GRIP1: variants seen among roughly 807,000 people sequenced by gnomAD.
GRIP1 encodes the protein glutamate receptor-interacting protein 1.
Under a neutral mutation model 129.9 loss-of-function variants are expected in GRIP1, and 45 were observed. That is an observed-to-expected ratio of 0.35 (90% confidence interval 0.27 to 0.44). GRIP1 has a LOEUF of 0.44. GRIP1 is among the 20% of genes least tolerant of loss of function. The probability of loss-of-function intolerance (pLI) is 1.00; values close to 1 mark genes in which losing one functional copy is unlikely to be tolerated. For missense variants in GRIP1, 1,196 were observed against 1,396.8 expected, an observed-to-expected ratio of 0.86 and a Z score of 2.29; for synonymous variants, 530 against 520.8, an observed-to-expected ratio of 1.02 and a Z score of -0.24.
At chr12:66,483,439 T>A (rs2059862835) in intron 7 of GRIP1, among the ~76,000 whole-genome samples, 1 of 152,168 alleles carries the variant, frequency 6.6e-6, no homozygotes. Flanking sequence ...CCCAGGGAGT[T>A]AAAGGAGACA....
At chr12:66,771,690 G>A (rs950495031) in intron 1 of GRIP1, among the ~76,000 whole-genome samples, 2 of 152,142 alleles carry the variant, frequency 1.3e-5, no homozygotes, top group Non-Finnish European at 2.9e-5. Context: ...AGCCTACTGG[G>A]TCCCACCCCA....
chr12:66,437,868 T>C (rs950472258), intron 13 of GRIP1, among the ~76,000 whole-genome samples: 8 of 152,202 alleles, frequency 5.3e-5, no homozygotes, highest in African/African-American at 1.9e-4. Flanking sequence ...GTAACATCTC[T>C]TTGAAGAGTC....
At chr12:67,060,405 T>G (rs539259925) in intron 1 of GRIP1, among the ~76,000 whole-genome samples, 1 of 152,372 alleles carries the variant, frequency 6.6e-6, no homozygotes, top group East Asian at 1.9e-4. Flanking sequence ...TAACTGATTT[T>G]GGGGGTAGTT....
intron 1 of GRIP1, among the ~76,000 whole-genome samples, chr12:66,677,688 C>T (rs575415758): frequency 3.0e-4 from 46 of 152,266 alleles, no homozygotes; most frequent in Non-Finnish European, 4.9e-4. Flanking sequence ...CAAATGCATT[C>T]GGTAAGTTGG....
At chr12:66,399,208 A>G (rs1213649925) in intron 16 of GRIP1, among the ~76,000 whole-genome samples, 1 of 151,810 alleles carries the variant, frequency 6.6e-6, no homozygotes, top group African/African-American at 2.4e-5. Context: ...TCCTCCCTCC[A>G]CCGTGCCAGG....
chr12:66,761,782 A>T (rs938167790), intron 1 of GRIP1, among the ~76,000 whole-genome samples: 1 of 152,188 alleles, frequency 6.6e-6, no homozygotes, highest in Non-Finnish European at 1.5e-5. Context: ...AAGAAATCCT[A>T]GAGCTAGAAG....
At chr12:66,666,921 GT>G (rs1367987078) in intron 1 of GRIP1, among the ~76,000 whole-genome samples, 2 of 151,370 alleles carry the variant, frequency 1.3e-5, no homozygotes, top group African/African-American at 2.4e-5. Context: ...CTGACACGAA[GT>G]TGATTCTAAT....
At position 66,986,298 on chromosome 12, in the gene GRIP1, T is replaced by C. The variant is rs554824064; in HGVS notation, c.58+82752A>G. On this transcript the variant is annotated intron_variant, in intron 1 of 1. Transcript: ENST00000643019. ...TTCCTCAGGGATCTAGAACTAGAAA[T>C]ACCATTTGACCCAGCCATCCCATTA... is the stretch of plus-strand genomic sequence containing the variant. 2.6e-5 allele frequency among the ~76,000 whole-genome samples: 4 copies of C among 152,156 alleles called. No homozygotes were observed. In the South Asian group the frequency reaches 8.3e-4, roughly 32 times the overall value.
intron 1 of GRIP1, among the ~76,000 whole-genome samples, chr12:66,797,736 C>A (rs1022003933): frequency 6.6e-6 from 1 of 152,120 alleles, no homozygotes; most frequent in Non-Finnish European, 1.5e-5. Flanking sequence ...AACCTAGAGA[C>A]CTTAAGGACT....
At chr12:66,445,614 G>T in intron 11 of GRIP1, 106 bp from the exon 12 acceptor site, 1 of 731,970 alleles carries the variant, frequency 1.4e-6, no homozygotes, top group Non-Finnish European at 2.2e-6. Flanking sequence ...AATGGCAATG[G>T]TGGGAGGTTA....
chr12:66,964,084 G>A (rs575802739), intron 1 of GRIP1, among the ~76,000 whole-genome samples: 8 of 152,138 alleles, frequency 5.3e-5, no homozygotes, highest in South Asian at 4.2e-4. Flanking sequence ...CAACTTCAGC[G>A]GGACTATTGC....
chr12:66,349,132 A>G lies in GRIP1; in HGVS notation c.3274T>C (p.Ser1092Pro), dbSNP rs1290881184. 1.9e-6 allele frequency: 3 copies of G among 1,613,782 alleles called. No individual in the cohort carries two copies. ...CCTGGTAGACTCTGTTGGTCTATAG[A>G]CTTCTGTGAAGCCAGTGGGTTTCTA... is the stretch of plus-strand genomic sequence containing the variant. ...ISRNPLASQK[S>P]IDQQSLPGDW... Residue 1092 changes from serine to proline, a missense_variant, in exon 25 of 25, where the codon TCT becomes CCT. Physicochemically the swap from Ser to Pro is moderately conservative, Grantham distance 74. This residue lies in a region of GRIP1 where 427 missense variants were observed against 463.3 expected (regional missense o/e 0.92). Transcript: ENST00000359742.
intron 1 of GRIP1, among the ~76,000 whole-genome samples, chr12:66,676,380 G>A (rs1210526173): frequency 1.3e-5 from 2 of 152,034 alleles, no homozygotes; most frequent in African/African-American, 4.8e-5. Context: ...GCTTTTTCTT[G>A]TGGGTGATAT....
chr12:66,533,852 C>T (rs1313131129), intron 4 of GRIP1, among the ~76,000 whole-genome samples: 1 of 133,506 alleles, frequency 7.5e-6, no homozygotes, highest in Non-Finnish European at 1.6e-5. Flanking sequence ...CACACACACA[C>T]ACACACACAC....
At chr12:66,442,562 C>CA (rs552855106) in intron 13 of GRIP1, among the ~76,000 whole-genome samples, 7 of 152,140 alleles carry the variant, frequency 4.6e-5, no homozygotes, top group Non-Finnish European at 5.9e-5. Flanking sequence ...GACAGGGTCT[C>CA]ACTCTGTCAC....
chr12:66,527,727 T>G (rs1029720893), intron 5 of GRIP1, among the ~76,000 whole-genome samples: 4 of 152,014 alleles, frequency 2.6e-5, no homozygotes, highest in African/African-American at 9.7e-5. Context: ...ATACTGCATG[T>G]TCTCACTTAT....
intron 1 of GRIP1, among the ~76,000 whole-genome samples, chr12:66,672,418 G>A (rs2034125025): frequency 6.6e-6 from 1 of 152,088 alleles, no homozygotes; most frequent in Non-Finnish European, 1.5e-5. Flanking sequence ...TAATGGCAAG[G>A]TCAAAGTTTC....
chr12:66,898,772 A>G (rs891299187), intron 1 of GRIP1, among the ~76,000 whole-genome samples: 1 of 152,178 alleles, frequency 6.6e-6, no homozygotes, highest in Non-Finnish European at 1.5e-5. Context: ...CTTGTGCCCA[A>G]TGTAGTGTGT....
chr12:66,686,610 T>C (rs1030761031), intron 1 of GRIP1, among the ~76,000 whole-genome samples: 21 of 152,216 alleles, frequency 1.4e-4, no homozygotes, highest in African/African-American at 4.8e-4. Context: ...TTTTGTGGCA[T>C]AGGAAGGAGC....
Sources: gnomAD v4.1 joint callset for allele counts (sites outside exome capture counted in the v4.1 genomes callset) on GRCh38, gnomAD v4.1.1 for gene constraint, gnomAD v4.1.1 regional missense constraint, MANE v1.5 for transcripts, NCBI Gene and HGNC (gene_info 2026-07-23, HGNC 2026-07-21) for gene names.